Variants in MAPK8 observed in about 807,000 individuals in gnomAD.
MAPK8 encodes JUN N-terminal kinase.
MAPK8 carries 13 observed loss-of-function variants against 52.9 expected under a neutral mutation model. That is an observed-to-expected ratio of 0.25 (90% confidence interval 0.16 to 0.39). MAPK8 has a LOEUF of 0.39. MAPK8 is among the 10% of genes least tolerant of loss of function. The pLI, the probability that MAPK8 is intolerant of heterozygous loss-of-function variation, is 1.00. For missense variants in MAPK8, 300 were observed against 519.2 expected, an observed-to-expected ratio of 0.58 and a Z score of 4.10; for synonymous variants, 191 against 169.8, an observed-to-expected ratio of 1.12 and a Z score of -0.97.
At chr10:48,335,846 G>A (rs1365297872) in intron 1 of MAPK8, among the ~76,000 whole-genome samples, 2 of 152,142 alleles carry the variant, frequency 1.3e-5, no homozygotes, top group Non-Finnish European at 2.9e-5. Flanking sequence ...ACTGCAGGGA[G>A]AATCTGAAAC....
intron 1 of MAPK8, among the ~76,000 whole-genome samples, chr10:48,342,968 T>G (rs1845446693): frequency 6.6e-6 from 1 of 152,216 alleles, no homozygotes; most frequent in Admixed American, 6.5e-5. Flanking sequence ...TCCTGTATTT[T>G]GAGGAATTCC....
intron 6 of MAPK8, among the ~76,000 whole-genome samples, chr10:48,423,831 A>G (rs534894205): frequency 7.2e-5 from 11 of 152,236 alleles, no homozygotes; most frequent in African/African-American, 2.4e-4. Context: ...GGGTTTTTCT[A>G]TTTATGCAAT....
chr10:48,365,808 G>T (rs1370201556), intron 1 of MAPK8, among the ~76,000 whole-genome samples: 1 of 152,122 alleles, frequency 6.6e-6, no homozygotes, highest in Non-Finnish European at 1.5e-5. Context: ...CAAAGAATGA[G>T]CATGTCTCAT....
intron 1 of MAPK8, among the ~76,000 whole-genome samples, chr10:48,315,002 A>G (rs771479368): frequency 6.6e-6 from 1 of 152,090 alleles, no homozygotes; most frequent in Non-Finnish European, 1.5e-5. Flanking sequence ...CAAAATTTCC[A>G]CGTGTATTTG....
intron 1 of MAPK8, among the ~76,000 whole-genome samples, chr10:48,317,416 G>A (rs1285139893): frequency 6.6e-6 from 1 of 152,064 alleles, no homozygotes; most frequent in African/African-American, 2.4e-5. Context: ...TACCACCTCC[G>A]CCTCCCAAAG....
intron 1 of MAPK8, among the ~76,000 whole-genome samples, chr10:48,334,118 G>C (rs937851615): frequency 2.0e-5 from 3 of 152,144 alleles, no homozygotes; most frequent in Non-Finnish European, 4.4e-5. Context: ...GCTGCAGGAC[G>C]GCTCCACAGA....
intron 5 of MAPK8, among the ~76,000 whole-genome samples, chr10:48,417,830 G>C (rs1198021633): frequency 6.6e-6 from 1 of 152,112 alleles, no homozygotes; most frequent in African/African-American, 2.4e-5. Context: ...GAAATTCTAG[G>C]CTCTGTTCCC....
intron 1 of MAPK8, among the ~76,000 whole-genome samples, chr10:48,354,524 A>G (rs975544960): frequency 1.3e-5 from 2 of 152,224 alleles, no homozygotes; most frequent in Non-Finnish European, 2.9e-5. Flanking sequence ...TCAGAATCAC[A>G]TGGAGGACTT....
At chr10:48,399,978 A>G (rs2042077119) in intron 1 of MAPK8, among the ~76,000 whole-genome samples, 2 of 152,242 alleles carry the variant, frequency 1.3e-5, no homozygotes, top group South Asian at 4.1e-4. Flanking sequence ...ATAAATGTGT[A>G]GAATAATTAA....
chr10:48,308,021 T>C (rs1035985970), intron 1 of MAPK8: 8 of 152,240 alleles, frequency 5.3e-5, no homozygotes, highest in African/African-American at 1.9e-4. Context: ...AGTTCAAGTG[T>C]AATAGGAAGT....
At chr10:48,353,259 C>T (rs1846517743) in intron 1 of MAPK8, among the ~76,000 whole-genome samples, 1 of 152,108 alleles carries the variant, frequency 6.6e-6, no homozygotes, top group South Asian at 2.1e-4. Context: ...TATGAAAAGA[C>T]AGAAGAACCA....
At chr10:48,422,006 C>CTTAT (rs199974312) in intron 6 of MAPK8, among the ~76,000 whole-genome samples, 30,780 of 143,206 alleles carry the variant, frequency 0.21, 3,928 homozygotes, top group Admixed American at 0.31. Flanking sequence ...TTTTATTTAT[C>CTTAT]TTATTTATTT....
chr10:48,358,451 G>C (rs1180679463), intron 1 of MAPK8, among the ~76,000 whole-genome samples: 1 of 152,142 alleles, frequency 6.6e-6, no homozygotes, highest in African/African-American at 2.4e-5. Context: ...CTTATTGGCT[G>C]TTTTGGGTTT....
chr10:48,334,669 G>T (rs573402918), intron 1 of MAPK8, among the ~76,000 whole-genome samples: 1 of 152,060 alleles, frequency 6.6e-6, no homozygotes, highest in Admixed American at 6.6e-5. Flanking sequence ...CTCCCTTTTC[G>T]GCCGGAGTCT....
At chr10:48,379,198 T>C (rs1021439654) in intron 1 of MAPK8, among the ~76,000 whole-genome samples, 12 of 152,330 alleles carry the variant, frequency 7.9e-5, no homozygotes, top group South Asian at 4.1e-4. Flanking sequence ...CTTCTTGAAG[T>C]CCCAAAATAT....
At chr10:48,355,436 G>C (rs1222538277) in intron 1 of MAPK8, among the ~76,000 whole-genome samples, 2 of 150,766 alleles carry the variant, frequency 1.3e-5, no homozygotes, top group African/African-American at 4.9e-5. Context: ...GTGAACCCAG[G>C]AGGCGGAGCT....
At chr10:48,360,915 A>G (rs950642157) in intron 1 of MAPK8, among the ~76,000 whole-genome samples, 2 of 152,190 alleles carry the variant, frequency 1.3e-5, no homozygotes, top group African/African-American at 4.8e-5. Context: ...GGTGATGGAT[A>G]CACTGGTGTT....
intron 1 of MAPK8, among the ~76,000 whole-genome samples, chr10:48,392,261 T>TA: frequency 2.6e-5 from 4 of 152,242 alleles, no homozygotes; most frequent in African/African-American, 9.6e-5. Context: ...AGGGGAAGAT[T>TA]AGACTCTTGC....
intron 1 of MAPK8, among the ~76,000 whole-genome samples, chr10:48,321,429 G>A (rs969253164): frequency 1.3e-5 from 2 of 152,122 alleles, no homozygotes; most frequent in African/African-American, 4.8e-5. Context: ...CATAACAGAT[G>A]TATGGTTTAT....
Sources: gnomAD v4.1 joint callset for allele counts (sites outside exome capture counted in the v4.1 genomes callset) on GRCh38, gnomAD v4.1.1 for gene constraint, MANE v1.5 for transcripts, NCBI Gene and HGNC (gene_info 2026-07-23, HGNC 2026-07-21) for gene names.